Variants in GLIS1 observed in about 807,000 individuals in gnomAD.
GLIS1 encodes the protein zinc finger protein GLIS1.
GLIS1 carries 24 observed loss-of-function variants against 63.8 expected under a neutral mutation model. The ratio of observed to expected loss-of-function variants is 0.38; its 90% CI spans 0.27 to 0.53. The LOEUF (loss-of-function observed/expected upper bound fraction) is 0.53, where lower values mean the gene tolerates loss of function less well. Among genes scored for constraint, GLIS1 ranks in the 20% least tolerant of loss-of-function variants. The probability of loss-of-function intolerance (pLI) is 0.85; values close to 1 mark genes in which losing one functional copy is unlikely to be tolerated. For synonymous variants in GLIS1, 450 were observed against 482.5 expected (o/e 0.93, Z 0.88); for missense variants, 1,036 against 1,074.1 (o/e 0.96, Z 0.50).
intron 2 of GLIS1, among the ~76,000 whole-genome samples, chr1:53,622,448 A>AAAAG (rs1453765493): frequency 7.4e-6 from 1 of 135,412 alleles, no homozygotes; most frequent in Admixed American, 7.4e-5. Context: ...AAAAAAAAAA[A>AAAAG]AAGAAGAAGA....
chr1:53,655,518 T>C (rs1463821209), intron 2 of GLIS1, among the ~76,000 whole-genome samples: 5 of 152,044 alleles, frequency 3.3e-5, no homozygotes, highest in African/African-American at 4.8e-5. Context: ...ACCAAGTGAG[T>C]TACAAACATG....
intron 7 of GLIS1, 61 bp from the exon 8 acceptor site, chr1:53,514,842 G>A: frequency 2.0e-6 from 3 of 1,479,610 alleles, no homozygotes; most frequent in Non-Finnish European, 2.7e-6. Context: ...GGTTGTGATG[G>A]CCCAGGAGCT....
chr1:53,731,608 A>G (rs1285226588), intron 2 of GLIS1, among the ~76,000 whole-genome samples: 1 of 152,186 alleles, frequency 6.6e-6, no homozygotes, highest in Non-Finnish European at 1.5e-5. Flanking sequence ...ACAACCTTGG[A>G]CAAATCACTT....
intron 2 of GLIS1, among the ~76,000 whole-genome samples, chr1:53,689,079 G>A (rs1483954278): frequency 1.3e-5 from 2 of 152,202 alleles, no homozygotes; most frequent in African/African-American, 2.4e-5. Flanking sequence ...CTCTCAGGTC[G>A]TTTGATGGTC....
At position 53,670,165 on chromosome 1, in the gene GLIS1, G is replaced by A. The variant is rs554786938; in HGVS notation, c.259+67641C>T. ...TATTAAACTAGCTCTGGCCAAGAAT[G>A]GCTCAGCCAACAGGAATCTGAATGC... On this transcript the variant is annotated intron_variant, in intron 2 of 10. Transcript: ENST00000628545. 2.0e-5 allele frequency among the ~76,000 whole-genome samples: 3 copies of A among 152,308 alleles called. 1 individual carries two copies. The South Asian group carries it at 6.2e-4, about 32-fold the overall frequency.
intron 4 of GLIS1, among the ~76,000 whole-genome samples, chr1:53,547,876 C>A (rs372357969): frequency 3.9e-5 from 6 of 152,236 alleles, no homozygotes; most frequent in East Asian, 3.8e-4. Flanking sequence ...CCAGGAGCAG[C>A]CAAACACGGC....
At chr1:53,585,654 T>C (rs1318822464) in intron 4 of GLIS1, among the ~76,000 whole-genome samples, 1 of 152,098 alleles carries the variant, frequency 6.6e-6, no homozygotes, top group Non-Finnish European at 1.5e-5. Flanking sequence ...GACCAGGAAC[T>C]ACATTTGGGG....
intron 2 of GLIS1, among the ~76,000 whole-genome samples, chr1:53,695,139 G>T (rs6673378): frequency 0.25 from 38,256 of 151,848 alleles, 5,202 homozygotes; most frequent in African/African-American, 0.36. Flanking sequence ...CAGCTGGGGT[G>T]GGGGTGGGTT....
chr1:53,734,259 T>C (rs1341868683), intron 2 of GLIS1: 2 of 940,006 alleles, frequency 2.1e-6, no homozygotes, highest in East Asian at 2.3e-4. Context: ...TCTGGTTTGG[T>C]GTGGGAACAG....
chr1:53,676,701 G>A (rs911520844), intron 2 of GLIS1, among the ~76,000 whole-genome samples: 1 of 152,126 alleles, frequency 6.6e-6, no homozygotes, highest in African/African-American at 2.4e-5. Context: ...CCCTCGGGCT[G>A]AGCCTTCCAG....
chr1:53,592,506 CG>C lies in GLIS1; in HGVS notation c.1320+1601del, dbSNP rs1645202029. ...TCAGCAGCTGTCAGCTCCAGGGTCTCGGGGAGATATGGGGGCCCAGCTGTCT... is the reference window on the plus strand; with the variant it reads ...TCAGCAGCTGTCAGCTCCAGGGTCTCGGGAGATATGGGGGCCCAGCTGTCT... On this transcript the variant is annotated intron_variant, in intron 4 of 10. Coordinates refer to ENST00000628545, the MANE Select transcript of GLIS1 (RefSeq NM_001367484.1). 3.3e-5 allele frequency among the ~76,000 whole-genome samples: 5 copies of C among 152,266 alleles called. No homozygotes were observed. In the South Asian group the frequency reaches 1.0e-3, roughly 32 times the overall value.
At chr1:53,577,317 A>G (rs1557459943) in intron 4 of GLIS1, among the ~76,000 whole-genome samples, 2 of 151,902 alleles carry the variant, frequency 1.3e-5, no homozygotes, top group East Asian at 2.0e-4. Context: ...CACCCACTCA[A>G]TGAACCCAGG....
intron 2 of GLIS1, among the ~76,000 whole-genome samples, chr1:53,655,049 G>T (rs578255528): frequency 8.1e-4 from 123 of 152,270 alleles, no homozygotes; most frequent in African/African-American, 2.8e-3. Context: ...AGGTGACGGG[G>T]CCTAGTGCAC....
At chr1:53,661,301 A>G (rs1646025936) in intron 2 of GLIS1, among the ~76,000 whole-genome samples, 1 of 152,110 alleles carries the variant, frequency 6.6e-6, no homozygotes, top group African/African-American at 2.4e-5. Flanking sequence ...AGTGGGGATG[A>G]GGTACAGGGA....
chr1:53,576,783 G>A (rs1274916424), intron 4 of GLIS1, among the ~76,000 whole-genome samples: 3 of 152,074 alleles, frequency 2.0e-5, no homozygotes, highest in Non-Finnish European at 4.4e-5. Context: ...GCACAGGCTC[G>A]AGGGCTCAAC....
intron 2 of GLIS1, among the ~76,000 whole-genome samples, chr1:53,694,038 C>G (rs1281219418): frequency 6.6e-5 from 10 of 152,364 alleles, no homozygotes; most frequent in Non-Finnish European, 2.9e-5. Flanking sequence ...CCCCTGCAGT[C>G]TACTGCCTGG....
chr1:53,544,991 C>T (rs1644683413), intron 4 of GLIS1, among the ~76,000 whole-genome samples: 2 of 152,216 alleles, frequency 1.3e-5, no homozygotes, highest in Admixed American at 1.3e-4. Context: ...CTCCCCAAGG[C>T]TTCCCCTGCC....
At chr1:53,520,937 ATGT>A (rs1164242479) in intron 6 of GLIS1, among the ~76,000 whole-genome samples, 171 bp from the exon 7 acceptor site, 5 of 152,302 alleles carry the variant, frequency 3.3e-5, no homozygotes, top group African/African-American at 1.2e-4. Context: ...CATCGTGAAG[ATGT>A]TGTTAGTCCA....
intron 2 of GLIS1, among the ~76,000 whole-genome samples, chr1:53,695,366 T>C (rs567027925): frequency 2.6e-5 from 4 of 152,080 alleles, no homozygotes; most frequent in Non-Finnish European, 5.9e-5. Flanking sequence ...AGGAGCGGCA[T>C]GAGAGAGAAG....
Sources: gnomAD v4.1 joint callset for allele counts (sites outside exome capture counted in the v4.1 genomes callset) on GRCh38, gnomAD v4.1.1 for gene constraint, MANE v1.5 for transcripts, NCBI Gene and HGNC (gene_info 2026-07-23, HGNC 2026-07-21) for gene names.